Variants in ZNF286A observed in about 807,000 individuals in gnomAD.
The protein encoded by ZNF286A is zinc finger protein 286A.
In ZNF286A, 34 loss-of-function variants were observed where a neutral mutation model predicts 49.3. The ratio of observed to expected loss-of-function variants is 0.69; its 90% confidence interval spans 0.52 to 0.92. The LOEUF (loss-of-function observed/expected upper bound fraction) is 0.92. ZNF286A is among the 40% of genes least tolerant of loss of function. ZNF286A has a pLI of 0.00. For synonymous variants in ZNF286A, 155 were observed against 200.4 expected, an observed-to-expected ratio of 0.77 and a Z score of 1.91; for missense variants, 462 against 600.2, an observed-to-expected ratio of 0.77 and a Z score of 2.41.
rs995220241 is a variant in ZNF286A at position 15,699,752 on chromosome 17, C to T, written c.-221C>T. The T allele has an allele frequency of 1.4e-6, 1 of 702,894 alleles. No homozygotes were observed. The allele number at this position is 702,894 out of a possible 1,614,324, so 43.5% of individuals were successfully genotyped here. A position where few individuals can be genotyped will look rare whatever the true frequency, so the allele number is the denominator to read the frequency against. The stretch of plus-strand genomic sequence containing the variant: ...CTCCGAGCTGGCCAAAGAAGTTCGT[C>T]CCCTTTGTGAGGCCCGGGATGGGAG... On this transcript the variant is annotated 5_prime_UTR_variant, in exon 1 of 6. Coordinates refer to ENST00000583566, the MANE Select transcript of ZNF286A (RefSeq NM_001130842.2).
chr17:15,707,051 C>T (rs1159887811), intron 4 of ZNF286A, among the ~76,000 whole-genome samples: 1 of 152,144 alleles, frequency 6.6e-6, no homozygotes, highest in Non-Finnish European at 1.5e-5. Flanking sequence ...GGCTTACTAG[C>T]ATGCACGCAT....
Position 15,709,044 on chromosome 17 carries a change from A to G in ZNF286A, c.334+797A>G, listed in dbSNP as rs148744695. On this transcript the variant is annotated intron_variant, in intron 5 of 5. Coordinates refer to ENST00000583566, the MANE Select transcript of ZNF286A (RefSeq NM_001130842.2). Reference sequence around the variant, plus strand: ...AGAGGTTTCTAGAGTCATTGTACCAATTACATTCCTAGCAGCAGAGTATGT... The same window carrying G: ...AGAGGTTTCTAGAGTCATTGTACCAGTTACATTCCTAGCAGCAGAGTATGT... 4.5e-4 allele frequency among the ~76,000 whole-genome samples: 68 copies of G among 152,226 alleles called. 1 individual carries two copies. Among genetic ancestry groups the G allele is most frequent in the African/African-American group, 1.6e-3 (66 of 41,508 alleles).
At chr17:15,706,251 A>T (rs537472765) in intron 3 of ZNF286A, 136 bp from the exon 4 acceptor site, 15 of 663,818 alleles carry the variant, frequency 2.3e-5, no homozygotes, top group Non-Finnish European at 2.9e-5. Flanking sequence ...GACGACCATT[A>T]GAATACTTGT....
At chr17:15,709,586 G>C (rs1272974921) in intron 5 of ZNF286A, among the ~76,000 whole-genome samples, 4 of 151,904 alleles carry the variant, frequency 2.6e-5, no homozygotes, top group African/African-American at 9.7e-5. Flanking sequence ...GAATCATTTC[G>C]GTGTTTTTGT....
At chr17:15,712,597 C>T (rs1217052069) in intron 5 of ZNF286A, among the ~76,000 whole-genome samples, 1 of 152,224 alleles carries the variant, frequency 6.6e-6, no homozygotes, top group Non-Finnish European at 1.5e-5. Context: ...CACCCCCTCT[C>T]TCCTTTATCC....
In ZNF286A at chr17:15,702,738, A is replaced by G. The variant is rs575174018; in HGVS notation, c.126+1498A>G. Among the ~76,000 whole-genome samples, 155 of 152,350 alleles carry G rather than the reference A, an allele frequency of 1.0e-3. 2 individuals carry two copies. The highest frequency in any genetic ancestry group is 1.8e-3 in the Non-Finnish European group (124 of 68,034). On this transcript the variant is annotated intron_variant, in intron 3 of 5. Coordinates refer to ENST00000583566, the MANE Select transcript of ZNF286A (RefSeq NM_001130842.2). The stretch of plus-strand genomic sequence containing the variant: ...GTCTTACATTAGTCTTGAAGACTTT[A>G]TTAGTCAAGAAGCTTTAAGTTGCAG...
chr17:15,708,160 C>G lies in ZNF286A; in HGVS notation c.247C>G (p.Pro83Ala). 6.4e-7 allele frequency: 1 copy of G among 1,573,612 alleles called. No homozygotes were observed. The highest frequency in any genetic ancestry group is 1.2e-5 in the South Asian group (1 of 83,304). ...NYRNLVSLWLPVSKPESYNLE... is the reference protein window; with the variant it reads ...NYRNLVSLWLAVSKPESYNLE... The stretch of plus-strand genomic sequence containing the variant: ...TTCTTTTTTTAAATGAATAGGGCTT[C>G]CAGTTTCCAAACCTGAGAGCTACAA... Residue 83 changes from proline to alanine, a missense_variant, in exon 5 of 6, where the codon CCA becomes GCA. Transcript: ENST00000583566.
rs1990386061 is a variant in ZNF286A, at chr17:15,708,207, A to G, written c.294A>G (p.Pro98=). 6 of 1,596,062 alleles carry G rather than the reference A, an allele frequency of 3.8e-6. No individual in the cohort carries two copies. Among genetic ancestry groups the G allele is most frequent in the East Asian group, 4.6e-5 (2 of 43,722 alleles). The change falls in exon 5 of 6, where the codon CCA becomes CCG. Residue 98 remains proline, a synonymous_variant. Transcript: ENST00000583566. ...ACAACTTGGAGAATGGAAAAGAACC[A>G]TTGAAGCTTGAGAGAAAAGCCCCCA... The part of the protein sequence containing the change: ...ESYNLENGKE[P]LKLERKAPKS...
At position 15,719,223 on chromosome 17, in the gene ZNF286A, T is replaced by C. The variant is rs1967252880; in HGVS notation, c.*1933T>C. The C allele has an allele frequency of 7.5e-6, 1 of 133,018 alleles. No individual in the cohort carries two copies. The highest frequency in any genetic ancestry group is 1.6e-5 in the Non-Finnish European group (1 of 61,372). 8.2% of individuals were successfully genotyped at this position (133,018 alleles called of 1,614,324 possible). A position where few individuals can be genotyped will look rare whatever the true frequency, so the allele number is the denominator to read the frequency against. On this transcript the variant is annotated 3_prime_UTR_variant, in exon 6 of 6. Coordinates refer to ENST00000583566, the MANE Select transcript of ZNF286A (RefSeq NM_001130842.2). ...CATCTTAGTATTTAGTACTAATGGTTTAGAGCAGGAATTGACAAACTGTGG... is the reference window on the plus strand; with the variant it reads ...CATCTTAGTATTTAGTACTAATGGTCTAGAGCAGGAATTGACAAACTGTGG...
chr17:15,718,827 G>T lies in ZNF286A; in HGVS notation c.*1537G>T, dbSNP rs1437624642. On this transcript the variant is annotated 3_prime_UTR_variant, in exon 6 of 6. Transcript: ENST00000583566. ...GTTTAATTGGCTCATGGTTCCATGG[G>T]CTGTACAGGAAGTATGACTGGGGAG... is the stretch of plus-strand genomic sequence containing the variant. 4.8e-5 allele frequency: 7 copies of T among 145,434 alleles called. No individual in the cohort carries two copies. The highest frequency in any genetic ancestry group is 1.9e-4 in the African/African-American group (7 of 37,512). The allele number at this position is 145,434 out of a possible 1,614,324, so 9.0% of individuals were successfully genotyped here. A position where few individuals can be genotyped will look rare whatever the true frequency, so the allele number is the denominator to read the frequency against.
intron 3 of ZNF286A, chr17:15,704,745 C>A: frequency 6.2e-7 from 1 of 1,613,994 alleles, no homozygotes; most frequent in Non-Finnish European, 8.5e-7. Flanking sequence ...CATATGGGGT[C>A]CCTTCAGGGC....
At chr17:15,699,805 T>G in intron 1 of ZNF286A, 28 bp downstream of exon 1, 1 of 702,852 alleles carries the variant, frequency 1.4e-6, no homozygotes, top group Non-Finnish European at 2.6e-6. Context: ...ATGTCGCTCG[T>G]CTCGGCTCGG....
chr17:15,712,568 C>G (rs1400032401), intron 5 of ZNF286A, among the ~76,000 whole-genome samples: 1 of 152,266 alleles, frequency 6.6e-6, no homozygotes, highest in Non-Finnish European at 1.5e-5. Context: ...TGGTGGAAAT[C>G]TACGCACAGT....
chr17:15,704,908 GC>G lies in ZNF286A; in HGVS notation c.127-1477del. 3.1e-6 allele frequency: 5 copies of G among 1,591,870 alleles called. No individual in the cohort carries two copies. The South Asian group carries it at 4.5e-5, about 14-fold the overall frequency. ...CTCCACGTTGGAGTTCATGGCTGCG[GC>G]CGGCCGGGGGCGGGTCCCCCCGGCC... On this transcript the variant is annotated intron_variant, in intron 3 of 5. Transcript: ENST00000583566.
intron 3 of ZNF286A, chr17:15,704,225 G>A: frequency 6.3e-7 from 1 of 1,587,682 alleles, no homozygotes. Context: ...AGGAGGAAGA[G>A]AGCCCACTAC....
chr17:15,707,003 A>C (rs1230482740), intron 4 of ZNF286A, among the ~76,000 whole-genome samples: 1 of 152,200 alleles, frequency 6.6e-6, no homozygotes, highest in Non-Finnish European at 1.5e-5. Context: ...CTCTAGAGCC[A>C]GCGAGATTGA....
chr17:15,708,339 C>G (rs1404687748), intron 5 of ZNF286A, 92 bp downstream of exon 5: 7 of 968,054 alleles, frequency 7.2e-6, no homozygotes, highest in Non-Finnish European at 9.9e-6. Flanking sequence ...CCTGTGTGCC[C>G]TTATTTTTAA....
At chr17:15,701,094 T>G in intron 2 of ZNF286A, 58 bp from the exon 3 acceptor site, 1 of 1,545,408 alleles carries the variant, frequency 6.5e-7, no homozygotes, top group East Asian at 2.3e-5. Flanking sequence ...TTTTTAGACT[T>G]TAAATCTGAG....
chr17:15,716,335 T>C lies in ZNF286A; in HGVS notation c.611T>C (p.Leu204Pro). The C allele has an allele frequency of 1.2e-6, 2 of 1,613,904 alleles. No homozygotes were observed. Among genetic ancestry groups the C allele is most frequent in the South Asian group, 1.1e-5 (1 of 91,070 alleles). ...YWKSFNQKSVLITEDRVPKGS... is the reference protein window; with the variant it reads ...YWKSFNQKSVPITEDRVPKGS... ...AAAAGCTTCAATCAGAAATCTGTCC[T>C]TATCACTGAAGACAGAGTTCCCAAA... Residue 204 changes from leucine (L) to proline (P), a missense_variant, in exon 6 of 6, where the codon CTT becomes CCT. This residue lies in a region of ZNF286A where 259 missense variants were observed against 272.2 expected (regional missense o/e 0.95). Coordinates refer to ENST00000583566, the MANE Select transcript of ZNF286A (RefSeq NM_001130842.2).
Sources: allele counts gnomAD v4.1 joint callset (sites outside exome capture counted in the v4.1 genomes callset), GRCh38; gene constraint gnomAD v4.1.1; regional missense constraint gnomAD v4.1.1; transcripts MANE v1.5; gene names NCBI Gene and HGNC (gene_info 2026-07-23, HGNC 2026-07-21).